Variants in BCLAF1 observed in about 807,000 individuals in gnomAD.
The protein encoded by BCLAF1 is BCL2 associated transcription factor 1.
BCLAF1 carries 10 observed loss-of-function variants against 99.5 expected under a neutral mutation model. The observed-to-expected ratio is 0.10, with a 90% CI of 0.06 to 0.17. BCLAF1 has a LOEUF of 0.17. Among genes scored for constraint, BCLAF1 ranks in the 10% least tolerant of loss-of-function variants. BCLAF1 has a pLI of 1.00. For missense variants in BCLAF1, 636 were observed against 1,105.8 expected (o/e 0.58, Z 6.02); for synonymous variants, 255 against 370.9 (o/e 0.69, Z 3.59).
At chr6:136,261,579 A>G in intron 11 of BCLAF1, 102 bp from the exon 12 acceptor site, 1 of 1,197,230 alleles carries the variant, frequency 8.4e-7, no homozygotes, top group African/African-American at 1.5e-5. Flanking sequence ...GATTGGGTAT[A>G]TGAGATTGGT....
In BCLAF1 at chr6:136,269,430, C is replaced by T. The variant is rs751119996; in HGVS notation, c.2219+7G>A. On this transcript the variant is annotated splice_region_variant and intron_variant, in intron 9 of 12. Transcript: ENST00000531224. The stretch of plus-strand genomic sequence containing the variant: ...TAAAACCTATCTTAGTCAGTTTGAA[C>T]AATTACCTGTCATCTTTGTAAGATT... 2 of 1,602,484 alleles carry T rather than the reference C, an allele frequency of 1.2e-6. No individual in the cohort carries two copies. The highest frequency in any genetic ancestry group is 1.1e-5 in the South Asian group (1 of 88,974).
intron 2 of BCLAF1, among the ~76,000 whole-genome samples, chr6:136,280,813 T>TGA (rs1784292237): frequency 6.6e-6 from 1 of 151,310 alleles, no homozygotes; most frequent in African/African-American, 2.4e-5. Flanking sequence ...AATGATTAGA[T>TGA]TATATCTTAG....
At position 136,278,994 on chromosome 6, in the gene BCLAF1, A is replaced by AC. The variant is rs1554219524; in HGVS notation, c.105-219_105-218insG. On this transcript the variant is annotated intron_variant, in intron 3 of 12. Coordinates refer to ENST00000531224, the MANE Select transcript of BCLAF1 (RefSeq NM_014739.3). ...AAAGACCTTACAAATGAAGGCACAA[A>AC]ACACACACACACACACACACACACA... is the stretch of plus-strand genomic sequence containing the variant. Among the ~76,000 whole-genome samples the AC allele has an allele frequency of 1.1e-3, 167 of 145,492 alleles. 1 individual carries two copies. Among genetic ancestry groups the AC allele is most frequent in the Non-Finnish European group, 1.4e-3 (90 of 66,354 alleles).
chr6:136,285,687 A>G (rs1319204891), intron 1 of BCLAF1, among the ~76,000 whole-genome samples: 3 of 152,252 alleles, frequency 2.0e-5, no homozygotes, highest in Admixed American at 1.3e-4. Context: ...AACACAGGAT[A>G]AAATAAAGCA....
chr6:136,270,528 A>G (rs985314160), intron 8 of BCLAF1: 1 of 151,882 alleles, frequency 6.6e-6, no homozygotes, highest in African/African-American at 2.4e-5. Flanking sequence ...ACGTATCTCC[A>G]AATGATATCA....
intron 9 of BCLAF1, 141 bp downstream of exon 9, chr6:136,269,296 C>T: frequency 6.5e-7 from 1 of 1,528,574 alleles, no homozygotes; most frequent in Non-Finnish European, 8.8e-7. Context: ...AAGACAAATA[C>T]ATTTTTGCTG....
At chr6:136,280,167 A>G (rs1784178802) in intron 2 of BCLAF1, among the ~76,000 whole-genome samples, 1 of 152,216 alleles carries the variant, frequency 6.6e-6, no homozygotes, top group Admixed American at 6.5e-5. Flanking sequence ...CAGAAAAAGC[A>G]ATGAGACTGC....
At chr6:136,283,241 A>G (rs562826159) in intron 1 of BCLAF1, among the ~76,000 whole-genome samples, 21 of 150,374 alleles carry the variant, frequency 1.4e-4, no homozygotes, top group African/African-American at 4.9e-4. Flanking sequence ...GCTCTACTTT[A>G]TAACATCTAA....
intron 1 of BCLAF1, among the ~76,000 whole-genome samples, chr6:136,283,615 A>G (rs1030948557): frequency 6.6e-6 from 1 of 152,230 alleles, no homozygotes; most frequent in Non-Finnish European, 1.5e-5. Flanking sequence ...CAAGATTAAT[A>G]TACATCAGCA....
rs576375900 is a variant in BCLAF1, at chr6:136,273,643, A to AT, written c.1853-457dup. On this transcript the variant is annotated intron_variant, in intron 6 of 12. Coordinates refer to ENST00000531224, the MANE Select transcript of BCLAF1 (RefSeq NM_014739.3). ...ATTTCATCAGTGACTATATGCTGCC[A>AT]TATCAACAAAAATGGATTTATAAAA... 20 of 157,414 alleles carry AT rather than the reference A, an allele frequency of 1.3e-4. 1 individual carries two copies. The South Asian group carries it at 3.6e-3, about 28-fold the overall frequency. The allele number at this position is 157,414 out of a possible 1,614,324, so 9.8% of individuals were successfully genotyped here. A position where few individuals can be genotyped will look rare whatever the true frequency, so the allele number is the denominator to read the frequency against.
At chr6:136,262,902 CTG>C in intron 11 of BCLAF1, among the ~76,000 whole-genome samples, 1 of 152,152 alleles carries the variant, frequency 6.6e-6, no homozygotes, top group Non-Finnish European at 1.5e-5. Context: ...TTATCAGAAA[CTG>C]TGTGACTTTG....
At chr6:136,281,106 A>G (rs1181157095) in intron 2 of BCLAF1, among the ~76,000 whole-genome samples, 1 of 152,174 alleles carries the variant, frequency 6.6e-6, no homozygotes, top group Admixed American at 6.6e-5. Flanking sequence ...AGCAATATAA[A>G]TAACAAATTC....
rs978635676 is a variant in BCLAF1 at position 136,280,606 on chromosome 6, G to GA, written c.-10-731dup. ...CAAGAAAGATTTATTAGAACTACAA[G>GA]AAAAAAAAAACTTGGGCACCAGTAG... On this transcript the variant is annotated intron_variant, in intron 2 of 12. Coordinates refer to ENST00000531224, the MANE Select transcript of BCLAF1 (RefSeq NM_014739.3). 9.7e-5 allele frequency among the ~76,000 whole-genome samples: 14 copies of GA among 144,584 alleles called. No individual in the cohort carries two copies. In the East Asian group the frequency reaches 9.8e-4, roughly 10 times the overall value. 94.9% of individuals were successfully genotyped at this position (144,584 alleles called of 152,430 possible).
Position 136,258,695 on chromosome 6 carries a change from T to C in BCLAF1, c.*2415A>G, listed in dbSNP as rs991704431. ...TTTAGCCATCTACATTCAATGTTACTGGGTAATATTTTTCTCAAATTATAA... is the reference window on the plus strand; with the variant it reads ...TTTAGCCATCTACATTCAATGTTACCGGGTAATATTTTTCTCAAATTATAA... On this transcript the variant is annotated 3_prime_UTR_variant, in exon 13 of 13. Transcript: ENST00000531224. The C allele has an allele frequency of 2.6e-5, 4 of 152,546 alleles. No homozygotes were observed. The highest frequency in any genetic ancestry group is 9.6e-5 in the African/African-American group (4 of 41,462). The allele number at this position is 152,546 out of a possible 1,614,324, so 9.4% of individuals were successfully genotyped here.
At chr6:136,271,238 T>C (rs1488300691) in intron 8 of BCLAF1, among the ~76,000 whole-genome samples, 1 of 151,846 alleles carries the variant, frequency 6.6e-6, no homozygotes, top group Non-Finnish European at 1.5e-5. Context: ...ACAGCCAGAA[T>C]TGGAACCAAG....
intron 6 of BCLAF1, 101 bp downstream of exon 6, chr6:136,275,431 T>G: frequency 1.7e-6 from 2 of 1,167,424 alleles, no homozygotes; most frequent in Non-Finnish European, 2.3e-6. Context: ...GGATGTATAT[T>G]TGCTAGCCCT....
At chr6:136,265,622 G>A (rs896812863) in intron 11 of BCLAF1, among the ~76,000 whole-genome samples, 2 of 152,092 alleles carry the variant, frequency 1.3e-5, no homozygotes, top group Non-Finnish European at 2.9e-5. Context: ...AGCCATCTGA[G>A]TACTAGAGTT....
rs1290883124 is a variant in BCLAF1 at position 136,256,993 on chromosome 6, T to C, written c.*4117A>G. On this transcript the variant is annotated 3_prime_UTR_variant, in exon 13 of 13. Transcript: ENST00000531224. ...CATTTCACACCACCTAAACATACAG[T>C]GTAGCTATGATCATGTACTTTTATT... 6.6e-6 allele frequency: 1 copy of C among 152,172 alleles called. No individual in the cohort carries two copies. The highest frequency in any genetic ancestry group is 2.4e-5 in the African/African-American group (1 of 41,430). 9.4% of individuals were successfully genotyped at this position (152,172 alleles called of 1,614,324 possible).
In BCLAF1 at chr6:136,257,053, C is replaced by T. The variant is rs1780514933; in HGVS notation, c.*4057G>A. On this transcript the variant is annotated 3_prime_UTR_variant, in exon 13 of 13. Transcript: ENST00000531224. ...GCTCATTATTAATGAAATCTGGAAG[C>T]TGGCCAACCCCAAAAGATTAAGAAA... The T allele has an allele frequency of 6.6e-6, 1 of 152,170 alleles. No homozygotes were observed. Among genetic ancestry groups the T allele is most frequent in the Non-Finnish European group, 1.5e-5 (1 of 68,030 alleles). The allele number at this position is 152,170 out of a possible 1,614,324, so 9.4% of individuals were successfully genotyped here. A position where few individuals can be genotyped will look rare whatever the true frequency, so the allele number is the denominator to read the frequency against.
Sources: allele counts gnomAD v4.1 joint callset (sites outside exome capture counted in the v4.1 genomes callset), GRCh38; gene constraint gnomAD v4.1.1; transcripts MANE v1.5; gene names NCBI Gene and HGNC (gene_info 2026-07-23, HGNC 2026-07-21).